The following TCF12 variants were observed in gnomAD, a reference collection of about 807,000 sequenced individuals.
TCF12 encodes the protein DNA-binding protein HTF4.
TCF12 carries 45 observed loss-of-function variants against 86.0 expected under a neutral mutation model. That is an observed-to-expected ratio of 0.52 (90% confidence interval 0.41 to 0.67). TCF12 has a LOEUF of 0.67. Ranked by LOEUF, TCF12 falls within the 30% of genes least tolerant of loss-of-function variation. The pLI, the probability that TCF12 is intolerant of heterozygous loss-of-function variation, is 0.00. For synonymous variants in TCF12, 330 were observed against 299.6 expected (o/e 1.10, Z -1.05); for missense variants, 881 against 859.9 (o/e 1.02, Z -0.31).
chr15:57,088,002 C>T (rs558997768), intron 4 of TCF12, among the ~76,000 whole-genome samples: 2 of 152,166 alleles, frequency 1.3e-5, no homozygotes, highest in South Asian at 2.1e-4. Flanking sequence ...AGCATAGTAA[C>T]TTTCTATCAA....
At chr15:57,180,159 T>A (rs1188549703) in intron 6 of TCF12, among the ~76,000 whole-genome samples, 2 of 152,204 alleles carry the variant, frequency 1.3e-5, no homozygotes, top group Non-Finnish European at 2.9e-5. Flanking sequence ...TTTTTAATCA[T>A]TTGTAGAAAA....
intron 3 of TCF12, among the ~76,000 whole-genome samples, chr15:56,931,336 CTGA>C (rs1337383778): frequency 6.6e-6 from 1 of 152,078 alleles, no homozygotes; most frequent in African/African-American, 2.4e-5. Flanking sequence ...AAGGAGTGTG[CTGA>C]TATTTCTCTG....
At chr15:56,995,771 A>G (rs1421820548) in intron 3 of TCF12, among the ~76,000 whole-genome samples, 1 of 151,992 alleles carries the variant, frequency 6.6e-6, no homozygotes, top group East Asian at 1.9e-4. Flanking sequence ...TCCTATTTGG[A>G]TGGCTTTTAT....
intron 6 of TCF12, among the ~76,000 whole-genome samples, chr15:57,181,041 C>G (rs534278911): frequency 6.6e-6 from 1 of 151,776 alleles, no homozygotes; most frequent in Non-Finnish European, 1.5e-5. Context: ...GTCTCAATCT[C>G]CTGACCTCGT....
intron 5 of TCF12, among the ~76,000 whole-genome samples, chr15:57,153,926 T>G (rs376685819): frequency 2.6e-4 from 39 of 151,494 alleles, no homozygotes; most frequent in African/African-American, 8.7e-4. Context: ...GCCCAAGAGT[T>G]CAAGGTTGCA....
intron 5 of TCF12, among the ~76,000 whole-genome samples, chr15:57,098,220 A>T (rs910481853): frequency 2.6e-5 from 4 of 151,958 alleles, no homozygotes; most frequent in African/African-American, 9.7e-5. Flanking sequence ...AAACAGAAAA[A>T]GAAACATGGC....
intron 3 of TCF12, among the ~76,000 whole-genome samples, chr15:56,988,265 C>T (rs2063287672): frequency 6.6e-6 from 1 of 152,108 alleles, no homozygotes; most frequent in Admixed American, 6.5e-5. Context: ...ATTGTACTTA[C>T]ATAAACCTAG....
At chr15:57,285,564 G>A (rs1468731511) in intron 20 of TCF12, among the ~76,000 whole-genome samples, 3 of 152,174 alleles carry the variant, frequency 2.0e-5, no homozygotes, top group Admixed American at 2.0e-4. Flanking sequence ...TGAAATAAAT[G>A]TAAACTATTA....
intron 8 of TCF12, among the ~76,000 whole-genome samples, chr15:57,221,783 G>GTAT (rs1566937470): frequency 6.6e-6 from 1 of 151,978 alleles, no homozygotes; most frequent in African/African-American, 2.4e-5. Context: ...TTATTCTCTA[G>GTAT]TAGTTATTAG....
At chr15:57,188,444 G>A (rs957523873) in intron 6 of TCF12, among the ~76,000 whole-genome samples, 1 of 151,974 alleles carries the variant, frequency 6.6e-6, no homozygotes, top group African/African-American at 2.4e-5. Flanking sequence ...ACTTCCAATG[G>A]CTTTTTTTTG....
intron 5 of TCF12, among the ~76,000 whole-genome samples, chr15:57,107,022 A>T (rs1196821978): frequency 2.6e-5 from 4 of 152,254 alleles, no homozygotes; most frequent in African/African-American, 9.6e-5. Context: ...TTCTTACAAA[A>T]CAAAACATGC....
chr15:57,036,069 T>G, intron 3 of TCF12, among the ~76,000 whole-genome samples: 1 of 126,716 alleles, frequency 7.9e-6, no homozygotes, highest in Admixed American at 8.7e-5. Context: ...CAGCTCCTGG[T>G]GCCAGAAGGG....
intron 3 of TCF12, among the ~76,000 whole-genome samples, chr15:56,970,866 A>G (rs1050017794): frequency 2.6e-5 from 4 of 151,452 alleles, no homozygotes; most frequent in African/African-American, 7.3e-5. Context: ...CCTGGGCAAC[A>G]TAGGGAGACC....
At chr15:57,206,673 C>T (rs1234952995) in intron 8 of TCF12, among the ~76,000 whole-genome samples, 1 of 147,934 alleles carries the variant, frequency 6.8e-6, no homozygotes, top group Admixed American at 6.9e-5. Context: ...CTGCATCCTC[C>T]ACCTCCTGTA....
At chr15:57,290,692 G>C (rs2062062207), downstream of TCF12, 1 of 152,240 alleles carries the variant, frequency 6.6e-6, no homozygotes. Flanking sequence ...TGTTGGGCAG[G>C]AATGGCAAAG....
At chr15:57,177,635 A>AGAGAGAGAGAGAGAGAGAGAGAGAGAGT in intron 6 of TCF12, among the ~76,000 whole-genome samples, 1 of 151,996 alleles carries the variant, frequency 6.6e-6, no homozygotes, top group Non-Finnish European at 1.5e-5. Flanking sequence ...AGAGAGAGAG[A>AGAGAGAGAGAGAGAGAGAGAGAGAGAGT]GAGTTGGATT....
At chr15:56,988,348 A>G (rs1289560858) in intron 3 of TCF12, among the ~76,000 whole-genome samples, 1 of 152,168 alleles carries the variant, frequency 6.6e-6, no homozygotes, top group Non-Finnish European at 1.5e-5. Context: ...CCTGTACAGC[A>G]TGTTACTCAT....
At chr15:57,100,740 C>G (rs2049682821) in intron 5 of TCF12, among the ~76,000 whole-genome samples, 1 of 151,818 alleles carries the variant, frequency 6.6e-6, no homozygotes, top group African/African-American at 2.4e-5. Context: ...CTCCCCATAC[C>G]CTGAAAACTC....
At chr15:57,102,539 A>G (rs2049833711) in intron 5 of TCF12, among the ~76,000 whole-genome samples, 1 of 152,034 alleles carries the variant, frequency 6.6e-6, no homozygotes, top group Non-Finnish European at 1.5e-5. Context: ...CAGAGGTTGC[A>G]GTGAGCCAAG....
Sources: gnomAD v4.1 joint callset for allele counts (sites outside exome capture counted in the v4.1 genomes callset) on GRCh38, gnomAD v4.1.1 for gene constraint, MANE v1.5 for transcripts, NCBI Gene and HGNC (gene_info 2026-07-23, HGNC 2026-07-21) for gene names.